Variants in TLR6 observed in about 807,000 individuals in gnomAD.
The protein encoded by TLR6 is toll-like receptor 6.
A neutral mutation model predicts 16.1 loss-of-function variants in TLR6; 9 were observed. The ratio of observed to expected loss-of-function variants is 0.56; its 90% CI spans 0.34 to 0.98. The LOEUF is 0.98. Ranked by LOEUF, TLR6 falls within the 50% of genes least tolerant of loss-of-function variation. TLR6 has a pLI of 0.02. For missense variants in TLR6, 786 were observed against 921.0 expected, an observed-to-expected ratio of 0.85 and a Z score of 1.90; for synonymous variants, 340 against 338.6, an observed-to-expected ratio of 1.00 and a Z score of -0.04.
chr4:38,832,350 A>C (rs1190636727), intron 1 of TLR6, among the ~76,000 whole-genome samples: 1 of 152,140 alleles, frequency 6.6e-6, no homozygotes, highest in Non-Finnish European at 1.5e-5. Flanking sequence ...GAGGGAAGTG[A>C]AGCAGCCAGC....
exon 2 of TLR6, chr4:38,827,496 A>T: frequency 6.2e-7 from 1 of 1,614,216 alleles, no homozygotes; most frequent in East Asian, 2.2e-5. Context: ...TAAGGTACCA[A>T]TTCACTTTTC....
the TLR6 span, chr4:38,867,987 G>A: frequency 7.7e-6 from 3 of 391,604 alleles, no homozygotes; most frequent in Non-Finnish European, 1.5e-5. Flanking sequence ...GCAGTGGTCA[G>A]GGAGGACCCG....
At chr4:38,844,656 G>GT (rs1375367816) in intron 1 of TLR6, among the ~76,000 whole-genome samples, 1 of 152,126 alleles carries the variant, frequency 6.6e-6, no homozygotes, top group Non-Finnish European at 1.5e-5. Flanking sequence ...AAAATCAATT[G>GT]TTTTTTAGGT....
chr4:38,844,899 CA>C (rs905593112), intron 1 of TLR6, among the ~76,000 whole-genome samples: 6 of 150,034 alleles, frequency 4.0e-5, no homozygotes, highest in African/African-American at 7.4e-5. Context: ...ACTAAACAAA[CA>C]AAAAAAAAAT....
At chr4:38,853,625 C>G (rs1712857236) in intron 1 of TLR6, among the ~76,000 whole-genome samples, 1 of 152,118 alleles carries the variant, frequency 6.6e-6, no homozygotes, top group Admixed American at 6.5e-5. Flanking sequence ...TAAACACTTT[C>G]TTTTTAAGAG....
chr4:38,868,037 C>A, the TLR6 span: 1 of 426,988 alleles, frequency 2.3e-6, no homozygotes, highest in Non-Finnish European at 4.7e-6. Flanking sequence ...GCCGAGGGAC[C>A]TGCGTGGGTG....
At chr4:38,830,657 A>G (rs1007599847) in intron 1 of TLR6, among the ~76,000 whole-genome samples, 9 of 152,152 alleles carry the variant, frequency 5.9e-5, no homozygotes, top group East Asian at 1.9e-4. Context: ...CGAGGCTCCA[A>G]TGAGCTGTGA....
At chr4:38,856,375 C>A (rs1354814478) in intron 1 of TLR6, among the ~76,000 whole-genome samples, 1 of 152,112 alleles carries the variant, frequency 6.6e-6, no homozygotes, top group South Asian at 2.1e-4. Flanking sequence ...GCTGTAAAAA[C>A]ATATAATAAA....
chr4:38,826,452 A>T (rs1033386209), exon 2 of TLR6: 21 of 152,222 alleles, frequency 1.4e-4, no homozygotes, highest in African/African-American at 4.3e-4. Context: ...TTTCTTGGAA[A>T]GCAGGTGGAT....
intron 1 of TLR6, among the ~76,000 whole-genome samples, chr4:38,854,520 A>T (rs1014046306): frequency 6.8e-6 from 1 of 147,866 alleles, no homozygotes; most frequent in African/African-American, 2.4e-5. Flanking sequence ...AAGATTTTTT[A>T]AAAGGCAAGA....
chr4:38,827,705 G>C, exon 2 of TLR6: 1 of 1,614,236 alleles, frequency 6.2e-7, no homozygotes, highest in Middle Eastern at 1.6e-4. Flanking sequence ...GGCACCGATG[G>C]TGACGATCAG....
intron 1 of TLR6, among the ~76,000 whole-genome samples, chr4:38,842,709 G>T (rs1485775775): frequency 2.0e-5 from 3 of 152,240 alleles, no homozygotes; most frequent in African/African-American, 7.2e-5. Flanking sequence ...TCCGACAGGG[G>T]CATCCTGGCC....
the TLR6 span, chr4:38,867,728 G>GGCCCCCTCTCCAGCC: frequency 2.0e-5 from 3 of 151,044 alleles, no homozygotes; most frequent in Non-Finnish European, 4.4e-5. Flanking sequence ...GGCGGGGCGG[G>GGCCCCCTCTCCAGCC]GCCCCCTCTC....
At chr4:38,842,460 A>T (rs1712319161) in intron 1 of TLR6, among the ~76,000 whole-genome samples, 1 of 152,226 alleles carries the variant, frequency 6.6e-6, no homozygotes, top group Non-Finnish European at 1.5e-5. Flanking sequence ...GGGGGCTGGT[A>T]GCAGGCACAC....
chr4:38,865,734 G>A, the TLR6 span, among the ~76,000 whole-genome samples: 1 of 152,254 alleles, frequency 6.6e-6, no homozygotes, highest in East Asian at 1.9e-4. Context: ...CAGAAGCCAC[G>A]TGTTAGTTAA....
At chr4:38,861,217 C>T (rs1037886835), upstream of TLR6, among the ~76,000 whole-genome samples, 1 of 152,004 alleles carries the variant, frequency 6.6e-6, no homozygotes, top group South Asian at 2.1e-4. Flanking sequence ...TATTTCAATC[C>T]GATACCACCC....
chr4:38,827,640 G>A (rs780541417), exon 2 of TLR6: 3 of 1,614,218 alleles, frequency 1.9e-6, no homozygotes, highest in Non-Finnish European at 1.7e-6. Flanking sequence ...AGATACCAGG[G>A]CAGATCCAAG....
chr4:38,833,414 T>C (rs1027691617), intron 1 of TLR6, among the ~76,000 whole-genome samples: 1 of 152,170 alleles, frequency 6.6e-6, no homozygotes, highest in African/African-American at 2.4e-5. Flanking sequence ...CCTAAGCCAC[T>C]GAGGAACCCA....
chr4:38,849,673 G>T (rs1051253109), intron 1 of TLR6, among the ~76,000 whole-genome samples: 1 of 142,688 alleles, frequency 7.0e-6, no homozygotes, highest in Non-Finnish European at 1.6e-5. Flanking sequence ...AATCAAAAGA[G>T]ACAAAGAAGG....
Sources: gnomAD v4.1 joint callset for allele counts (sites outside exome capture counted in the v4.1 genomes callset) on GRCh38, gnomAD v4.1.1 for gene constraint, MANE v1.5 for transcripts, NCBI Gene and HGNC (gene_info 2026-07-23, HGNC 2026-07-21) for gene names.